Variants in WDR7 observed in about 807,000 individuals in gnomAD.
WDR7 encodes the protein WD repeat-containing protein 7.
A neutral mutation model predicts 169.4 loss-of-function variants in WDR7; 46 were observed. The observed-to-expected ratio is 0.27, with a 90% CI of 0.21 to 0.35. The LOEUF is 0.35. Ranked by LOEUF, WDR7 falls within the 10% of genes least tolerant of loss-of-function variation. The probability of loss-of-function intolerance (pLI) is 1.00; values close to 1 mark genes in which losing one functional copy is unlikely to be tolerated. For synonymous variants in WDR7, 612 were observed against 666.8 expected, an observed-to-expected ratio of 0.92 and a Z score of 1.27; for missense variants, 1,534 against 1,859.3, an observed-to-expected ratio of 0.83 and a Z score of 3.22.
chr18:56,848,281 A>G (rs1342284068), intron 20 of WDR7, among the ~76,000 whole-genome samples: 2 of 152,212 alleles, frequency 1.3e-5, no homozygotes, highest in African/African-American at 4.8e-5. Context: ...TGTTCTGGCC[A>G]ATTTCTTCCT....
chr18:56,720,303 A>G (rs1382574196), intron 13 of WDR7, among the ~76,000 whole-genome samples: 1 of 151,904 alleles, frequency 6.6e-6, no homozygotes, highest in Non-Finnish European at 1.5e-5. Context: ...TACAAAAATT[A>G]GCTGGGTGTG....
chr18:56,668,549 C>T (rs750546746), intron 1 of WDR7, among the ~76,000 whole-genome samples: 1 of 152,150 alleles, frequency 6.6e-6, no homozygotes, highest in East Asian at 1.9e-4. Context: ...TATTGTAATA[C>T]TTATACCTAC....
intron 20 of WDR7, among the ~76,000 whole-genome samples, chr18:56,823,922 C>G (rs1340802636): frequency 6.6e-6 from 1 of 152,164 alleles, no homozygotes; most frequent in Non-Finnish European, 1.5e-5. Context: ...ATTCTCTTAT[C>G]TCATCCAGAT....
intron 21 of WDR7, 54 bp from the exon 22 acceptor site, chr18:56,923,868 C>T (rs1318942277): frequency 4.3e-5 from 62 of 1,426,506 alleles, no homozygotes; most frequent in Non-Finnish European, 5.6e-5. Context: ...TCAAAAGAAA[C>T]AATTACAAAA....
intron 22 of WDR7, among the ~76,000 whole-genome samples, chr18:56,927,726 G>C (rs1422328269): frequency 6.6e-6 from 1 of 152,156 alleles, no homozygotes; most frequent in Non-Finnish European, 1.5e-5. Flanking sequence ...AATGTTTTCA[G>C]ATATTTTGCC....
At chr18:56,842,292 G>A (rs964919196) in intron 20 of WDR7, among the ~76,000 whole-genome samples, 1 of 150,278 alleles carries the variant, frequency 6.7e-6, no homozygotes, top group East Asian at 2.0e-4. Flanking sequence ...TTCAGAAGGC[G>A]GAAGAGCAAG....
At chr18:56,963,061 A>C (rs1200549442) in intron 26 of WDR7, among the ~76,000 whole-genome samples, 1 of 152,264 alleles carries the variant, frequency 6.6e-6, no homozygotes, top group South Asian at 2.1e-4. Context: ...CTTTTATAAC[A>C]CTTCACTGTT....
At chr18:56,865,127 TA>T (rs762437588) in intron 20 of WDR7, among the ~76,000 whole-genome samples, 19 of 152,054 alleles carry the variant, frequency 1.2e-4, no homozygotes, top group Non-Finnish European at 1.9e-4. Context: ...CTCTAAGTGC[TA>T]ATAAGTACTT....
intron 17 of WDR7, among the ~76,000 whole-genome samples, chr18:56,777,114 A>G (rs553589596): frequency 1.3e-5 from 2 of 152,334 alleles, no homozygotes; most frequent in Admixed American, 6.5e-5. Context: ...TTAAGTGCAG[A>G]GATGCCAATC....
intron 12 of WDR7, among the ~76,000 whole-genome samples, chr18:56,703,541 A>G (rs769566367): frequency 1.2e-4 from 18 of 152,190 alleles, no homozygotes; most frequent in Non-Finnish European, 2.2e-4. Flanking sequence ...CTTAAAATAC[A>G]ATGTACATAA....
chr18:56,838,791 G>C (rs2045434268), intron 20 of WDR7, among the ~76,000 whole-genome samples: 1 of 152,136 alleles, frequency 6.6e-6, no homozygotes, highest in Non-Finnish European at 1.5e-5. Flanking sequence ...TATTCAATGT[G>C]TAGAGCATGT....
At chr18:57,020,036 G>A (rs1280879174) in intron 26 of WDR7, among the ~76,000 whole-genome samples, 1 of 152,044 alleles carries the variant, frequency 6.6e-6, no homozygotes, top group Non-Finnish European at 1.5e-5. Flanking sequence ...TATTAGGAGG[G>A]ACCTTCTATC....
chr18:56,883,137 G>T (rs1043269133), intron 21 of WDR7, among the ~76,000 whole-genome samples: 1 of 151,650 alleles, frequency 6.6e-6, no homozygotes, highest in South Asian at 2.1e-4. Flanking sequence ...GTGAACCTGG[G>T]AGGTGGAGCT....
intron 21 of WDR7, among the ~76,000 whole-genome samples, chr18:56,902,071 A>G (rs116617083): frequency 2.0e-3 from 297 of 152,296 alleles, no homozygotes; most frequent in African/African-American, 6.8e-3. Flanking sequence ...TGACCATCAC[A>G]TCACAAAGCA....
intron 17 of WDR7, among the ~76,000 whole-genome samples, chr18:56,778,714 C>G (rs150461810): frequency 4.6e-4 from 70 of 152,166 alleles, no homozygotes; most frequent in African/African-American, 1.6e-3. Context: ...AATCAAGTTC[C>G]ATATTGTGAA....
chr18:56,687,265 G>A (rs76815852), intron 7 of WDR7, among the ~76,000 whole-genome samples: 4,369 of 152,232 alleles, frequency 0.029, 188 homozygotes, highest in African/African-American at 0.099. Context: ...ATAAGCAGTA[G>A]TAGGGAGTTT....
chr18:56,730,913 T>C (rs2026571050), intron 13 of WDR7, among the ~76,000 whole-genome samples: 3 of 152,220 alleles, frequency 2.0e-5, no homozygotes. Flanking sequence ...GTAGAAATTA[T>C]AATATTTTTT....
intron 20 of WDR7, among the ~76,000 whole-genome samples, chr18:56,863,183 TA>T (rs1418035988): frequency 6.6e-6 from 1 of 151,862 alleles, no homozygotes; most frequent in Non-Finnish European, 1.5e-5. Flanking sequence ...AAAACAATTG[TA>T]GTGTTAGAGA....
chr18:56,917,122 G>A (rs182133682), intron 21 of WDR7, among the ~76,000 whole-genome samples: 294 of 152,114 alleles, frequency 1.9e-3, no homozygotes, highest in African/African-American at 6.5e-3. Flanking sequence ...ACTTGAACCC[G>A]GGAGACAGAT....
Sources: gnomAD v4.1 joint callset for allele counts (sites outside exome capture counted in the v4.1 genomes callset) on GRCh38, gnomAD v4.1.1 for gene constraint, MANE v1.5 for transcripts, NCBI Gene and HGNC (gene_info 2026-07-23, HGNC 2026-07-21) for gene names.